The following CRB1 variants were observed in gnomAD, a reference collection of about 807,000 sequenced individuals.
CRB1 encodes the protein protein crumbs homolog 1.
Under a neutral mutation model 120.0 loss-of-function variants are expected in CRB1, and 83 were observed. That is an observed-to-expected ratio of 0.69 (90% CI 0.58 to 0.83). The LOEUF (loss-of-function observed/expected upper bound fraction) is 0.83. Among genes scored for constraint, CRB1 ranks in the 40% least tolerant of loss-of-function variants. The pLI, the probability that CRB1 is intolerant of heterozygous loss-of-function variation, is 0.00. For synonymous variants in CRB1, 625 were observed against 612.5 expected, an observed-to-expected ratio of 1.02 and a Z score of -0.30; for missense variants, 1,699 against 1,687.6, an observed-to-expected ratio of 1.01 and a Z score of -0.12.
chr1:197,361,192 TTCTC>T (rs1239185454), intron 5 of CRB1, among the ~76,000 whole-genome samples: 2 of 151,914 alleles, frequency 1.3e-5, no homozygotes, highest in African/African-American at 2.4e-5. Context: ...ATAGTTTTCT[TTCTC>T]TCTCTTTTTT....
chr1:197,263,651 G>A (rs937234359), upstream of CRB1, among the ~76,000 whole-genome samples: 1 of 151,912 alleles, frequency 6.6e-6, no homozygotes, highest in African/African-American at 2.4e-5. Context: ...TCTGAAAACT[G>A]TAGTCCATTA....
chr1:197,343,698 A>G (rs931873995), intron 2 of CRB1, among the ~76,000 whole-genome samples: 4 of 152,222 alleles, frequency 2.6e-5, no homozygotes, highest in Admixed American at 1.3e-4. Context: ...TTCTCTAGCA[A>G]ATACTTAGTA....
At position 197,438,227 on chromosome 1, in the gene CRB1, G is replaced by A. The variant is rs112342199; in HGVS notation, c.3750-320G>A. 3.5e-3 allele frequency: 1,172 copies of A among 332,856 alleles called. 15 individuals are homozygous for A. Among genetic ancestry groups the A allele is most frequent in the African/African-American group, 0.023 (1,081 of 46,534 alleles). 20.6% of individuals were successfully genotyped at this position (332,856 alleles called of 1,614,324 possible). ...TGGCCTTTATTGATTTATTAGCAAA[G>A]CAGCAGCAAATCTAGTTATAGCAAG... On this transcript the variant is annotated intron_variant, in intron 9 of 11. Transcript: ENST00000367400.
the CRB1 span, among the ~76,000 whole-genome samples, chr1:197,235,904 C>A: frequency 6.5e-4 from 99 of 152,222 alleles, 2 homozygotes; most frequent in South Asian, 0.02. Context: ...ATGATCCCAT[C>A]CTGGTGACTT....
At chr1:197,302,758 T>G (rs1219414184) in intron 1 of CRB1, among the ~76,000 whole-genome samples, 1 of 152,168 alleles carries the variant, frequency 6.6e-6, no homozygotes, top group Non-Finnish European at 1.5e-5. Context: ...TGGGGGAATA[T>G]TAACTAGGGA....
At chr1:197,285,014 A>G (rs1655742729) in intron 1 of CRB1, among the ~76,000 whole-genome samples, 2 of 151,900 alleles carry the variant, frequency 1.3e-5, no homozygotes, top group South Asian at 4.1e-4. Context: ...TATTCATTAC[A>G]GGAATATTGA....
intron 1 of CRB1, among the ~76,000 whole-genome samples, chr1:197,308,595 G>A (rs1293923118): frequency 6.6e-6 from 1 of 151,982 alleles, no homozygotes; most frequent in African/African-American, 2.4e-5. Flanking sequence ...ATTCATGAAT[G>A]TCATTTTTAC....
intron 11 of CRB1, chr1:197,447,562 CTGGTTGCAGT>C (rs1665759142): frequency 6.6e-6 from 1 of 152,182 alleles, no homozygotes; most frequent in Non-Finnish European, 1.5e-5. Context: ...TGTCTGCCAG[CTGGTTGCAGT>C]GGCTCACATC....
At chr1:197,201,621 A>AG in the CRB1 span, among the ~76,000 whole-genome samples, 82 of 152,198 alleles carry the variant, frequency 5.4e-4, 3 homozygotes, top group East Asian at 0.015. Context: ...GCAATGGGAG[A>AG]GGGGAGGATG....
chr1:197,349,102 T>C (rs1452415109), intron 4 of CRB1, among the ~76,000 whole-genome samples: 2 of 152,228 alleles, frequency 1.3e-5, no homozygotes, highest in African/African-American at 2.4e-5. Flanking sequence ...AAATCTTTTA[T>C]ACTGTGTTTT....
intron 5 of CRB1, among the ~76,000 whole-genome samples, chr1:197,397,854 G>T (rs1662850039): frequency 1.3e-5 from 2 of 152,138 alleles, no homozygotes; most frequent in African/African-American, 4.8e-5. Flanking sequence ...TTTTGGAGGG[G>T]AAGGAAGTGT....
In CRB1 at chr1:197,437,399, T is replaced by C. The variant is rs897716807; in HGVS notation, c.3750-1148T>C. Among the ~76,000 whole-genome samples, 14 of 152,124 alleles carry C rather than the reference T, an allele frequency of 9.2e-5. 1 individual carries two copies. Among genetic ancestry groups the C allele is most frequent in the Admixed American group, 6.6e-5 (1 of 15,250 alleles). ...AGAATTCAGGATCAAATTTAGTATATTTCACTGTGAATTTTGATAAGTAAA... is the reference window on the plus strand; with the variant it reads ...AGAATTCAGGATCAAATTTAGTATACTTCACTGTGAATTTTGATAAGTAAA... On this transcript the variant is annotated intron_variant, in intron 9 of 11. Coordinates refer to ENST00000367400, the MANE Select transcript of CRB1 (RefSeq NM_201253.3).
intron 5 of CRB1, among the ~76,000 whole-genome samples, chr1:197,388,893 G>T (rs1182508716): frequency 6.6e-6 from 1 of 152,070 alleles, no homozygotes; most frequent in Non-Finnish European, 1.5e-5. Context: ...AATAGGCAAA[G>T]GACTTGAATT....
Position 197,268,578 on chromosome 1 carries a change from CAATGCT to C in CRB1, c.70+99_70+104del, listed in dbSNP as rs1406333441. On this transcript the variant is annotated intron_variant, in intron 1 of 11. Coordinates refer to ENST00000367400, the MANE Select transcript of CRB1 (RefSeq NM_201253.3). ...ATAATGTTGCATGTTCTATAAAATACAATGCTAAAAAAGGAAGTTTTTATTTGTTTT... is the reference window on the plus strand; with the variant it reads ...ATAATGTTGCATGTTCTATAAAATACAAAAAAGGAAGTTTTTATTTGTTTT... The C allele has an allele frequency of 1.4e-5, 14 of 990,646 alleles. 1 individual carries two copies. Among genetic ancestry groups the C allele is most frequent in the Middle Eastern group, 2.2e-4 (1 of 4,634 alleles). The allele number at this position is 990,646 out of a possible 1,614,324, so 61.4% of individuals were successfully genotyped here.
At chr1:197,270,713 G>T (rs1017013588) in intron 1 of CRB1, among the ~76,000 whole-genome samples, 2 of 152,096 alleles carry the variant, frequency 1.3e-5, no homozygotes, top group Non-Finnish European at 2.9e-5. Flanking sequence ...GCACATAGAG[G>T]TTTATTAATT....
In CRB1 at chr1:197,341,317, C is replaced by T. The variant is rs185081036; in HGVS notation, c.653-2964C>T. ...CAGCACTTTGGGAGGCTGAGGCAGG[C>T]GGATCACTTGAGGTCAGGAGTTTGA... On this transcript the variant is annotated intron_variant, in intron 2 of 11. Coordinates refer to ENST00000367400, the MANE Select transcript of CRB1 (RefSeq NM_201253.3). Among the ~76,000 whole-genome samples the T allele has an allele frequency of 1.9e-3, 286 of 152,104 alleles. 3 individuals carry two copies. The highest frequency in any genetic ancestry group is 6.2e-3 in the African/African-American group (257 of 41,522).
intron 5 of CRB1, among the ~76,000 whole-genome samples, chr1:197,365,843 G>T (rs1661044962): frequency 6.6e-6 from 1 of 151,996 alleles, no homozygotes; most frequent in Non-Finnish European, 1.5e-5. Context: ...AAGCCCTGAT[G>T]CTTTGCTGTT....
At chr1:197,297,198 C>T (rs569160740) in intron 1 of CRB1, among the ~76,000 whole-genome samples, 4 of 151,966 alleles carry the variant, frequency 2.6e-5, no homozygotes, top group Admixed American at 6.6e-5. Flanking sequence ...AATTCTGTCC[C>T]GTGTTTGCAC....
the CRB1 span, among the ~76,000 whole-genome samples, chr1:197,246,266 G>C: frequency 6.6e-6 from 1 of 152,102 alleles, no homozygotes; most frequent in Non-Finnish European, 1.5e-5. Context: ...GTGGTGTTTA[G>C]CTGGAGTAGA....
Sources: gnomAD v4.1 joint callset for allele counts (sites outside exome capture counted in the v4.1 genomes callset) on GRCh38, gnomAD v4.1.1 for gene constraint, MANE v1.5 for transcripts, NCBI Gene and HGNC (gene_info 2026-07-23, HGNC 2026-07-21) for gene names.